The following CSMD1 variants were observed in gnomAD, a reference collection of about 807,000 sequenced individuals.
The protein encoded by CSMD1 is CUB and sushi domain-containing protein 1.
A neutral mutation model predicts 417.5 loss-of-function variants in CSMD1; 213 were observed. The ratio of observed to expected loss-of-function variants is 0.51; its 90% CI spans 0.46 to 0.57. The LOEUF is 0.57. CSMD1 is among the 20% of genes least tolerant of loss of function. The probability of loss-of-function intolerance (pLI) is 0.00; values close to 1 mark genes in which losing one functional copy is unlikely to be tolerated. For synonymous variants in CSMD1, 2,862 were observed against 1,736.8 expected (o/e 1.65, Z -16.11); for missense variants, 6,923 against 4,529.7 (o/e 1.53, Z -15.17).
At position 4,202,539 on chromosome 8, in the gene CSMD1, G is replaced by T. The variant is rs539890838; in HGVS notation, c.416-170440C>A. On this transcript the variant is annotated intron_variant, in intron 3 of 69. Coordinates refer to ENST00000635120, the MANE Select transcript of CSMD1 (RefSeq NM_033225.6). ...TACTTAAAAATTTAAAACTCTATTTGTCAGGACATCAGCCTCGACAAATTA... is the reference window on the plus strand; with the variant it reads ...TACTTAAAAATTTAAAACTCTATTTTTCAGGACATCAGCCTCGACAAATTA... 2.6e-5 allele frequency among the ~76,000 whole-genome samples: 4 copies of T among 152,264 alleles called. No homozygotes were observed. In the South Asian group the frequency reaches 8.3e-4, roughly 32 times the overall value.
chr8:3,621,162 C>G (rs1190157375), intron 7 of CSMD1, among the ~76,000 whole-genome samples: 1 of 152,152 alleles, frequency 6.6e-6, no homozygotes, highest in Admixed American at 6.5e-5. Flanking sequence ...CTTCTACCCT[C>G]TAGAATTGTG....
intron 2 of CSMD1, among the ~76,000 whole-genome samples, chr8:4,502,755 T>C (rs1055902801): frequency 2.0e-5 from 3 of 152,198 alleles, no homozygotes; most frequent in Non-Finnish European, 4.4e-5. Context: ...TGTATGATGG[T>C]TGTAGACAGT....
chr8:4,331,586 G>A (rs561078407), intron 3 of CSMD1, among the ~76,000 whole-genome samples: 183 of 152,196 alleles, frequency 1.2e-3, no homozygotes, highest in Non-Finnish European at 2.1e-3. Flanking sequence ...GCAGACAATG[G>A]GGCAACATTT....
At chr8:3,264,499 A>C (rs1004530688) in intron 26 of CSMD1, among the ~76,000 whole-genome samples, 2 of 152,174 alleles carry the variant, frequency 1.3e-5, no homozygotes, top group Admixed American at 1.3e-4. Context: ...AGAGGGAAAA[A>C]TCTAATTTGA....
intron 3 of CSMD1, among the ~76,000 whole-genome samples, chr8:4,083,557 C>G (rs1206260333): frequency 2.0e-5 from 3 of 152,246 alleles, no homozygotes; most frequent in African/African-American, 7.2e-5. Context: ...ACTGTCTGAT[C>G]TTTGACAAAC....
At chr8:4,791,343 C>G (rs371275406) in intron 1 of CSMD1, among the ~76,000 whole-genome samples, 1 of 152,176 alleles carries the variant, frequency 6.6e-6, no homozygotes, top group African/African-American at 2.4e-5. Flanking sequence ...CTTGTTTTTA[C>G]TCCTTTCTTT....
At chr8:4,805,205 A>G (rs1314535766) in intron 1 of CSMD1, among the ~76,000 whole-genome samples, 1 of 152,218 alleles carries the variant, frequency 6.6e-6, no homozygotes, top group Admixed American at 6.5e-5. Context: ...ATCTGCGATA[A>G]TCATAGTCCT....
intron 68 of CSMD1, among the ~76,000 whole-genome samples, chr8:2,948,702 T>C (rs529118127): frequency 1.3e-4 from 20 of 152,232 alleles, no homozygotes; most frequent in Non-Finnish European, 2.5e-4. Flanking sequence ...CGCCTGAATA[T>C]GCAGAAAACA....
intron 10 of CSMD1, among the ~76,000 whole-genome samples, chr8:3,534,164 A>G (rs1798094896): frequency 6.6e-6 from 1 of 152,170 alleles, no homozygotes; most frequent in South Asian, 2.1e-4. Context: ...CCTTGAAGTA[A>G]TTCCATCTCT....
chr8:4,148,855 G>T (rs573931466), intron 3 of CSMD1, among the ~76,000 whole-genome samples: 1 of 152,194 alleles, frequency 6.6e-6, no homozygotes, highest in African/African-American at 2.4e-5. Context: ...TCCTGGGAAA[G>T]ATGGCACATG....
chr8:3,126,119 C>T (rs573711571), intron 41 of CSMD1, among the ~76,000 whole-genome samples: 7 of 152,252 alleles, frequency 4.6e-5, no homozygotes, highest in South Asian at 2.1e-4. Flanking sequence ...TGTGCCAATA[C>T]GGGGACTTGA....
At chr8:4,190,908 T>A (rs1256720928) in intron 3 of CSMD1, among the ~76,000 whole-genome samples, 3 of 142,398 alleles carry the variant, frequency 2.1e-5, no homozygotes, top group Non-Finnish European at 3.0e-5. Flanking sequence ...TGAGAACACA[T>A]GGGTACACAT....
chr8:3,096,390 T>C (rs1369417016), intron 47 of CSMD1, among the ~76,000 whole-genome samples: 1 of 152,156 alleles, frequency 6.6e-6, no homozygotes, highest in African/African-American at 2.4e-5. Flanking sequence ...TGATAGTAAG[T>C]CCCACAAGAT....
At chr8:3,393,221 G>C (rs890972880) in intron 17 of CSMD1, among the ~76,000 whole-genome samples, 51 of 152,268 alleles carry the variant, frequency 3.3e-4, no homozygotes, top group African/African-American at 1.2e-3. Context: ...TGTGTGTTTA[G>C]AGCAGTGAGC....
At chr8:4,660,507 A>G (rs1265405419) in intron 1 of CSMD1, among the ~76,000 whole-genome samples, 1 of 152,134 alleles carries the variant, frequency 6.6e-6, no homozygotes, top group African/African-American at 2.4e-5. Context: ...ACTTTTGCAG[A>G]TATAGAGAAG....
At chr8:4,591,354 A>T (rs1158997562) in intron 2 of CSMD1, among the ~76,000 whole-genome samples, 1 of 152,208 alleles carries the variant, frequency 6.6e-6, no homozygotes, top group African/African-American at 2.4e-5. Flanking sequence ...TCACAGACAA[A>T]CTAGTTGGGC....
intron 23 of CSMD1, among the ~76,000 whole-genome samples, chr8:3,335,135 A>G (rs1040385205): frequency 6.6e-6 from 1 of 152,118 alleles, no homozygotes; most frequent in Non-Finnish European, 1.5e-5. Context: ...TGGTGGTTGG[A>G]CATCCTACAC....
Position 4,553,077 on chromosome 8 carries a change from T to C in CSMD1, c.302+84265A>G, listed in dbSNP as rs1797940811. Reference sequence around the variant, plus strand: ...AAAATGTTAAAATAACACCACTCTCTAGGTACCAATTACTTCTTTCAAAGA... The same window carrying C: ...AAAATGTTAAAATAACACCACTCTCCAGGTACCAATTACTTCTTTCAAAGA... On this transcript the variant is annotated intron_variant, in intron 2 of 69. Coordinates refer to ENST00000635120, the MANE Select transcript of CSMD1 (RefSeq NM_033225.6). Among the ~76,000 whole-genome samples the C allele has an allele frequency of 2.0e-5, 3 of 152,338 alleles. No homozygotes were observed. The South Asian group carries it at 6.2e-4, about 32-fold the overall frequency.
chr8:3,814,866 C>T (rs1801287535), intron 5 of CSMD1, among the ~76,000 whole-genome samples: 1 of 152,090 alleles, frequency 6.6e-6, no homozygotes. Context: ...GACACACCCA[C>T]TTGTGTTAAT....
Sources: gnomAD v4.1 joint callset for allele counts (sites outside exome capture counted in the v4.1 genomes callset) on GRCh38, gnomAD v4.1.1 for gene constraint, MANE v1.5 for transcripts, NCBI Gene and HGNC (gene_info 2026-07-23, HGNC 2026-07-21) for gene names.